The following JAKMIP2 variants were observed in gnomAD, a reference collection of about 807,000 sequenced individuals.
JAKMIP2 encodes the protein janus kinase and microtubule-interacting protein 2.
JAKMIP2 carries 25 observed loss-of-function variants against 115.0 expected under a neutral mutation model. The ratio of observed to expected loss-of-function variants is 0.22; its 90% CI spans 0.16 to 0.30. JAKMIP2 has a LOEUF of 0.30. JAKMIP2 is among the 10% of genes least tolerant of loss of function. JAKMIP2 has a pLI of 1.00. For synonymous variants in JAKMIP2, 334 were observed against 343.6 expected (o/e 0.97, Z 0.31); for missense variants, 642 against 957.6 (o/e 0.67, Z 4.35).
At chr5:147,635,611 G>C (rs912873409) in intron 12 of JAKMIP2, among the ~76,000 whole-genome samples, 1 of 152,096 alleles carries the variant, frequency 6.6e-6, no homozygotes, top group African/African-American at 2.4e-5. Flanking sequence ...GCCCGGGCTG[G>C]AGTGCAATTG....
intron 5 of JAKMIP2, among the ~76,000 whole-genome samples, 192 bp from the exon 6 acceptor site, chr5:147,645,188 G>T (rs1275097312): frequency 6.6e-6 from 1 of 152,104 alleles, no homozygotes; most frequent in Non-Finnish European, 1.5e-5. Context: ...TTCTCTAACG[G>T]TTTTTCATCA....
At chr5:147,641,848 C>A in intron 7 of JAKMIP2, 84 bp from the exon 8 acceptor site, 1 of 1,118,404 alleles carries the variant, frequency 8.9e-7, no homozygotes. Context: ...TGTTCTTTCC[C>A]ATAAGGCATT....
chr5:147,646,545 C>G (rs1581348324), intron 5 of JAKMIP2, among the ~76,000 whole-genome samples: 1 of 151,840 alleles, frequency 6.6e-6, no homozygotes, highest in African/African-American at 2.4e-5. Context: ...CCACAATACC[C>G]AACAAAATGT....
chr5:147,611,279 C>G (rs568196460), intron 20 of JAKMIP2, among the ~76,000 whole-genome samples: 1 of 152,266 alleles, frequency 6.6e-6, no homozygotes, highest in African/African-American at 2.4e-5. Context: ...AAACAGCCTC[C>G]TAGTTTTGTG....
In JAKMIP2 at chr5:147,593,021, C is replaced by A. The variant is rs79685867; in HGVS notation, c.*21-1335G>T. ...GGAATGAGGAGGAGGTACGAAGAGG[C>A]GTAAAGATATTGATGGTGGATTCAC... On this transcript the variant is annotated intron_variant, in intron 21 of 21. Coordinates refer to ENST00000616793, the MANE Select transcript of JAKMIP2 (RefSeq NM_001270941.2). Among the ~76,000 whole-genome samples, 1,678 of 152,248 alleles carry A rather than the reference C, an allele frequency of 0.011. 61 individuals carry two copies. In the East Asian group the frequency reaches 0.13, roughly 12 times the overall value.
chr5:147,710,358 T>A lies in JAKMIP2; in HGVS notation c.-148-38404A>T, dbSNP rs13355588. Among the ~76,000 whole-genome samples, 1,406 of 152,254 alleles carry A rather than the reference T, an allele frequency of 9.2e-3. 17 individuals are homozygous for A. Among genetic ancestry groups the A allele is most frequent in the African/African-American group, 0.031 (1,300 of 41,548 alleles). On this transcript the variant is annotated intron_variant, in intron 1 of 21. Coordinates refer to ENST00000616793, the MANE Select transcript of JAKMIP2 (RefSeq NM_001270941.2). The stretch of plus-strand genomic sequence containing the variant: ...TTTATCACTGCTTCCATCAAATATA[T>A]TAGCTATCAAAAAAAGAAAGTTAAA...
At chr5:147,762,967 A>G (rs926708285) in intron 1 of JAKMIP2, among the ~76,000 whole-genome samples, 2 of 152,088 alleles carry the variant, frequency 1.3e-5, no homozygotes, top group Admixed American at 6.6e-5. Flanking sequence ...CTGCCAGGAG[A>G]GTTTGAGAAT....
In JAKMIP2 at chr5:147,644,123, G is replaced by C; in HGVS notation, c.1159C>G (p.Gln387Glu). The part of the protein sequence containing the change: ...LNDLDQANEE[Q>E]ETEFLKLQVI... ...TGAAGTTTTAGAAACTCTGTTTCTT[G>C]TTCTTCATTAGCTTGGTCGAGGTCA... is the stretch of plus-strand genomic sequence containing the variant. Residue 387 changes from glutamine (Q) to glutamate (E), a missense_variant, in exon 7 of 22, where the codon CAA (glutamine) becomes GAA (glutamate). Physicochemically the swap from Gln to Glu is conservative, Grantham distance 29 (BLOSUM62 2). Coordinates refer to ENST00000616793, the MANE Select transcript of JAKMIP2 (RefSeq NM_001270941.2). 6.2e-7 allele frequency: 1 copy of C among 1,608,494 alleles called. No homozygotes were observed. The highest frequency in any genetic ancestry group is 8.5e-7 in the Non-Finnish European group (1 of 1,176,232).
chr5:147,654,273 G>A (rs1758557013), intron 3 of JAKMIP2, among the ~76,000 whole-genome samples: 1 of 151,906 alleles, frequency 6.6e-6, no homozygotes. Context: ...AGTTTGATGG[G>A]AATAGTGTTG....
chr5:147,685,156 T>C (rs1320874470), intron 1 of JAKMIP2, among the ~76,000 whole-genome samples: 1 of 152,182 alleles, frequency 6.6e-6, no homozygotes, highest in African/African-American at 2.4e-5. Context: ...TAGAATGTGT[T>C]TGAGCCTGAA....
intron 1 of JAKMIP2, among the ~76,000 whole-genome samples, chr5:147,762,067 G>T (rs1754946579): frequency 6.6e-6 from 1 of 151,958 alleles, no homozygotes; most frequent in African/African-American, 2.4e-5. Context: ...GGAAGGAAAG[G>T]AGGGAAAGTG....
intron 1 of JAKMIP2, among the ~76,000 whole-genome samples, chr5:147,704,780 G>A (rs1481477250): frequency 6.6e-6 from 1 of 152,078 alleles, no homozygotes; most frequent in Non-Finnish European, 1.5e-5. Flanking sequence ...TTGATACTGT[G>A]GTTATTCTGA....
At chr5:147,750,234 G>T (rs1754498762) in intron 1 of JAKMIP2, among the ~76,000 whole-genome samples, 1 of 152,098 alleles carries the variant, frequency 6.6e-6, no homozygotes, top group Non-Finnish European at 1.5e-5. Flanking sequence ...CTTGGGAAAG[G>T]TGCTCTGAAA....
At chr5:147,598,480 A>G (rs889656562) in intron 21 of JAKMIP2, among the ~76,000 whole-genome samples, 18 of 150,004 alleles carry the variant, frequency 1.2e-4, no homozygotes, top group African/African-American at 4.1e-4. Context: ...TGTATCATCT[A>G]TCTATCTATC....
chr5:147,703,373 T>C (rs745660863), intron 1 of JAKMIP2, among the ~76,000 whole-genome samples: 1 of 151,986 alleles, frequency 6.6e-6, no homozygotes, highest in South Asian at 2.1e-4. Context: ...AAAGGTACAA[T>C]AAAAATACAA....
intron 20 of JAKMIP2, among the ~76,000 whole-genome samples, chr5:147,611,284 T>G (rs574180387): frequency 1.9e-3 from 290 of 152,266 alleles, no homozygotes; most frequent in South Asian, 4.6e-3. Context: ...GCCTCCTAGT[T>G]TTGTGCTTGA....
chr5:147,627,344 G>A (rs1757140437), intron 16 of JAKMIP2, among the ~76,000 whole-genome samples: 1 of 152,082 alleles, frequency 6.6e-6, no homozygotes, highest in Non-Finnish European at 1.5e-5. Flanking sequence ...AGGCAAGATG[G>A]GACTATCTTC....
At chr5:147,721,721 G>C (rs1287724151) in intron 1 of JAKMIP2, among the ~76,000 whole-genome samples, 2 of 152,020 alleles carry the variant, frequency 1.3e-5, no homozygotes, top group African/African-American at 2.4e-5. Context: ...CGCACGGTGC[G>C]CGCACCCACT....
chr5:147,731,368 C>T (rs997324235), intron 1 of JAKMIP2, among the ~76,000 whole-genome samples: 38 of 152,116 alleles, frequency 2.5e-4, no homozygotes, highest in Non-Finnish European at 5.0e-4. Context: ...TGTCCTGGTA[C>T]GACTATTAGC....
Sources: gnomAD v4.1 joint callset for allele counts (sites outside exome capture counted in the v4.1 genomes callset) on GRCh38, gnomAD v4.1.1 for gene constraint, MANE v1.5 for transcripts, NCBI Gene and HGNC (gene_info 2026-07-23, HGNC 2026-07-21) for gene names.